Variants in TBC1D5 observed in about 807,000 individuals in gnomAD.
The protein encoded by TBC1D5 is TBC1 domain family member 5, also known as TBC1 domain family, member 5.
TBC1D5 carries 75 observed loss-of-function variants against 100.3 expected under a neutral mutation model. That is an observed-to-expected ratio of 0.75 (90% CI 0.62 to 0.91). The LOEUF is 0.91. TBC1D5 is among the 40% of genes least tolerant of loss of function. The pLI is 0.00. For synonymous variants in TBC1D5, 323 were observed against 325.6 expected, an observed-to-expected ratio of 0.99 and a Z score of 0.09; for missense variants, 910 against 942.4, an observed-to-expected ratio of 0.97 and a Z score of 0.45.
intron 4 of TBC1D5, among the ~76,000 whole-genome samples, chr3:17,419,214 A>C (rs983248505): frequency 1.3e-5 from 2 of 152,222 alleles, no homozygotes; most frequent in African/African-American, 4.8e-5. Flanking sequence ...AAGTACAAGG[A>C]TAGCTAGCTG....
intron 3 of TBC1D5, among the ~76,000 whole-genome samples, chr3:17,440,211 G>T (rs1473251031): frequency 6.6e-6 from 1 of 152,116 alleles, no homozygotes; most frequent in Non-Finnish European, 1.5e-5. Context: ...TGAGGGGGTG[G>T]ATAAGTCACA....
At chr3:17,619,267 T>C (rs997758147) in intron 2 of TBC1D5, among the ~76,000 whole-genome samples, 5 of 152,194 alleles carry the variant, frequency 3.3e-5, no homozygotes, top group African/African-American at 1.2e-4. Flanking sequence ...GACAAGTTGA[T>C]ACTGAAGTTC....
Position 17,251,866 on chromosome 3 carries a change from TTGC to T in TBC1D5, c.1331+6637_1331+6639del, listed in dbSNP as rs1249109749. 3.9e-5 allele frequency among the ~76,000 whole-genome samples: 6 copies of T among 152,206 alleles called. No individual in the cohort carries two copies. The East Asian group carries it at 7.7e-4, about 20-fold the overall frequency. On this transcript the variant is annotated intron_variant, in intron 16 of 21. Coordinates refer to ENST00000253692, the Ensembl canonical transcript of TBC1D5. ...AATTTTGTCCTTAAATAACCAGAAA[TTGC>T]TGCTATTAAAAAAGTACATTTAAAT...
At chr3:17,266,944 A>C (rs1380048277) in intron 15 of TBC1D5, among the ~76,000 whole-genome samples, 2 of 152,078 alleles carry the variant, frequency 1.3e-5, no homozygotes, top group South Asian at 2.1e-4. Flanking sequence ...GGAAGCAAAA[A>C]CACCGTTAAT....
chr3:17,710,815 G>A lies in TBC1D5; in HGVS notation c.-101+28528C>T, dbSNP rs911135249. Among the ~76,000 whole-genome samples the A allele has an allele frequency of 4.6e-5, 7 of 151,580 alleles. No homozygotes were observed. In the South Asian group the frequency reaches 8.3e-4, roughly 18 times the overall value. The stretch of plus-strand genomic sequence containing the variant: ...CAGGTTCAAGCAATTCTCCTGCCTC[G>A]GCCTCCTGAGTAGCTAGGATTACAG... On this transcript the variant is annotated intron_variant, in intron 1 of 21. Coordinates refer to ENST00000253692, the Ensembl canonical transcript of TBC1D5.
intron 1 of TBC1D5, chr3:17,699,917 C>G (rs35642812): frequency 0.57 from 86,679 of 151,814 alleles, 25,550 homozygotes; most frequent in East Asian, 0.98. Flanking sequence ...ACCCGGATTT[C>G]AACCGGGGAC....
At chr3:17,200,271 A>T (rs1575908271) in intron 18 of TBC1D5, among the ~76,000 whole-genome samples, 1 of 152,346 alleles carries the variant, frequency 6.6e-6, no homozygotes, top group Non-Finnish European at 1.5e-5. Flanking sequence ...TAAACACTGT[A>T]CTATAGTTCA....
At chr3:17,425,656 G>C (rs188159526) in intron 4 of TBC1D5, among the ~76,000 whole-genome samples, 9 of 152,124 alleles carry the variant, frequency 5.9e-5, no homozygotes, top group Admixed American at 3.9e-4. Context: ...AACCCCCAGA[G>C]ACTATGCCCT....
chr3:17,520,529 T>C (rs1480158091), intron 2 of TBC1D5, among the ~76,000 whole-genome samples: 2 of 152,144 alleles, frequency 1.3e-5, no homozygotes, highest in Non-Finnish European at 2.9e-5. Flanking sequence ...AACATTTCAG[T>C]TTATTAGCTT....
chr3:17,437,299 A>G (rs916651543), intron 3 of TBC1D5, among the ~76,000 whole-genome samples: 2 of 152,190 alleles, frequency 1.3e-5, no homozygotes, highest in African/African-American at 4.8e-5. Context: ...AACACAAAAC[A>G]GACTAAGATA....
At position 17,223,275 on chromosome 3, in the gene TBC1D5, A is replaced by G. The variant is rs2074483400; in HGVS notation, c.1589-8905T>C. ...TTTATATATATCGTAGCTGGGTACT[A>G]TTAATTTTTGTTTCCAACCATCTCT... On this transcript the variant is annotated intron_variant, in intron 17 of 21. Transcript: ENST00000253692. Among the ~76,000 whole-genome samples the G allele has an allele frequency of 2.6e-5, 4 of 152,150 alleles. No individual in the cohort carries two copies. In the South Asian group the frequency reaches 8.3e-4, roughly 32 times the overall value.
At chr3:17,355,023 T>A (rs953013705) in intron 13 of TBC1D5, among the ~76,000 whole-genome samples, 1 of 152,134 alleles carries the variant, frequency 6.6e-6, no homozygotes, top group African/African-American at 2.4e-5. Flanking sequence ...GGGCAATAGC[T>A]GAAAATCCAA....
chr3:17,225,725 T>TC (rs1210816226), intron 17 of TBC1D5, among the ~76,000 whole-genome samples: 1 of 151,888 alleles, frequency 6.6e-6, no homozygotes, highest in Non-Finnish European at 1.5e-5. Flanking sequence ...ACACCTGTGG[T>TC]CCCACCTACT....
At chr3:17,722,850 G>T in intron 1 of TBC1D5, among the ~76,000 whole-genome samples, 1 of 152,124 alleles carries the variant, frequency 6.6e-6, no homozygotes, top group East Asian at 1.9e-4. Flanking sequence ...CACAAACCTT[G>T]TTCATGGATG....
intron 3 of TBC1D5, among the ~76,000 whole-genome samples, chr3:17,446,115 G>A (rs1312951168): frequency 6.6e-6 from 1 of 152,200 alleles, no homozygotes; most frequent in Non-Finnish European, 1.5e-5. Flanking sequence ...ATGTACGGCA[G>A]AAGGATGACT....
At chr3:17,339,827 T>C (rs1016614284) in intron 13 of TBC1D5, among the ~76,000 whole-genome samples, 1 of 152,170 alleles carries the variant, frequency 6.6e-6, no homozygotes, top group Non-Finnish European at 1.5e-5. Context: ...GTAAAGACAT[T>C]GGTCAGTTTC....
chr3:17,304,168 A>C (rs1350786866), intron 14 of TBC1D5, among the ~76,000 whole-genome samples: 1 of 152,118 alleles, frequency 6.6e-6, no homozygotes, highest in African/African-American at 2.4e-5. Context: ...ACAGGACTCC[A>C]GACCCAGTTC....
At chr3:17,348,077 C>T (rs1230725472) in intron 13 of TBC1D5, among the ~76,000 whole-genome samples, 2 of 152,122 alleles carry the variant, frequency 1.3e-5, no homozygotes, top group Admixed American at 1.3e-4. Context: ...ACTTTAAATT[C>T]TTGGGAAGAG....
At chr3:17,229,192 G>C (rs1050276837) in intron 17 of TBC1D5, among the ~76,000 whole-genome samples, 3 of 152,072 alleles carry the variant, frequency 2.0e-5, no homozygotes, top group Non-Finnish European at 2.9e-5. Context: ...GGGAACCCCT[G>C]TTCTGTGGCC....
Sources: allele counts gnomAD v4.1 joint callset (sites outside exome capture counted in the v4.1 genomes callset), GRCh38; gene constraint gnomAD v4.1.1; transcripts MANE v1.5; gene names NCBI Gene and HGNC (gene_info 2026-07-23, HGNC 2026-07-21).